APOLD1: variants seen among roughly 807,000 people sequenced by gnomAD.
APOLD1 encodes the protein apolipoprotein L domain containing 1.
A neutral mutation model predicts 15.3 loss-of-function variants in APOLD1; 22 were observed. That is an observed-to-expected ratio of 1.44 (90% CI 1.03 to 2.05). The LOEUF is 2.05. Ranked by LOEUF, APOLD1 falls within the 30% of genes most tolerant of loss-of-function variation. APOLD1 has a pLI of 0.00. For missense variants in APOLD1, 394 were observed against 353.5 expected, an observed-to-expected ratio of 1.11 and a Z score of -0.92; for synonymous variants, 190 against 167.4, an observed-to-expected ratio of 1.13 and a Z score of -1.04.
At chr12:12,776,342 T>C (rs2136395182) in intron 1 of APOLD1, among the ~76,000 whole-genome samples, 2 of 152,346 alleles carry the variant, frequency 1.3e-5, no homozygotes, top group Non-Finnish European at 2.9e-5. Flanking sequence ...CTGTTGTAGA[T>C]GTCTGAGAAC....
At chr12:12,786,370 C>G (rs1947124460) in intron 1 of APOLD1, among the ~76,000 whole-genome samples, 2 of 152,076 alleles carry the variant, frequency 1.3e-5, no homozygotes, top group South Asian at 4.1e-4. Flanking sequence ...AAGCATCTAA[C>G]TTAGATGTTT....
rs58877184 is a variant in APOLD1 at position 12,728,665 on chromosome 12, C to CAA, written c.96+2594_96+2595dup. On this transcript the variant is annotated intron_variant, in intron 1 of 1. Transcript: ENST00000326765. The stretch of plus-strand genomic sequence containing the variant: ...CCTGGGCAACAGTGAGACCCTGTCT[C>CAA]AAAAAAAAAAAAAAAAAAAAAAAAA... Among the ~76,000 whole-genome samples, 613 of 62,698 alleles carry CAA rather than the reference C, an allele frequency of 9.8e-3. 94 individuals are homozygous for CAA. Among genetic ancestry groups the CAA allele is most frequent in the African/African-American group, 0.047 (526 of 11,264 alleles). 41.1% of individuals were successfully genotyped at this position (62,698 alleles called of 152,430 possible).
intron 1 of APOLD1, among the ~76,000 whole-genome samples, chr12:12,732,729 C>CAA (rs34221371): frequency 2.5e-4 from 22 of 87,660 alleles, no homozygotes; most frequent in East Asian, 4.6e-4. Flanking sequence ...GACTCTGTCT[C>CAA]AAAAAAAAAA....
chr12:12,772,788 C>T (rs779058622), intron 1 of APOLD1, among the ~76,000 whole-genome samples: 2 of 152,192 alleles, frequency 1.3e-5, no homozygotes, highest in Non-Finnish European at 2.9e-5. Flanking sequence ...GTAATGTCTA[C>T]TCTCAGACCA....
intron 1 of APOLD1, among the ~76,000 whole-genome samples, chr12:12,771,972 A>C (rs1946991281): frequency 1.3e-5 from 2 of 152,200 alleles, no homozygotes; most frequent in African/African-American, 4.8e-5. Context: ...GGTTAGAAAA[A>C]AAAGAAGCAT....
At chr12:12,729,182 A>G (rs1468310289) in intron 1 of APOLD1, among the ~76,000 whole-genome samples, 4 of 151,496 alleles carry the variant, frequency 2.6e-5, no homozygotes, top group Non-Finnish European at 5.9e-5. Context: ...CATTTTCCCC[A>G]TGTGGATTTA....
chr12:12,736,871 A>G (rs113518343), intron 1 of APOLD1, among the ~76,000 whole-genome samples: 28 of 152,324 alleles, frequency 1.8e-4, no homozygotes, highest in African/African-American at 6.7e-4. Flanking sequence ...GGTGTCAGCT[A>G]CTGAACCAGA....
chr12:12,783,454 G>T (rs1398506269), upstream of APOLD1, among the ~76,000 whole-genome samples: 1 of 151,606 alleles, frequency 6.6e-6, no homozygotes, highest in Non-Finnish European at 1.5e-5. Flanking sequence ...GGGACTACAG[G>T]AGCACGCCAC....
At chr12:12,772,314 T>C (rs529260616) in intron 1 of APOLD1, among the ~76,000 whole-genome samples, 1 of 152,082 alleles carries the variant, frequency 6.6e-6, no homozygotes, top group African/African-American at 2.4e-5. Context: ...ACAACACTAA[T>C]CAAAAGAAAG....
chr12:12,732,905 C>G (rs920226012), intron 1 of APOLD1, among the ~76,000 whole-genome samples: 5 of 151,092 alleles, frequency 3.3e-5, no homozygotes, highest in East Asian at 3.9e-4. Context: ...AAATAAAAAC[C>G]CTTTAGATGT....
At chr12:12,726,131 C>A in intron 1 of APOLD1, 1 of 1,024,600 alleles carries the variant, frequency 9.8e-7, no homozygotes, top group Non-Finnish European at 1.3e-6. Flanking sequence ...TGGAGGTGGC[C>A]CGGAAAAGAA....
intron 1 of APOLD1, among the ~76,000 whole-genome samples, chr12:12,759,001 G>A (rs1202469368): frequency 6.6e-6 from 1 of 152,110 alleles, no homozygotes; most frequent in East Asian, 1.9e-4. Context: ...TGATAACCAA[G>A]AAGGTTACTA....
chr12:12,758,134 C>A (rs2136384267), intron 1 of APOLD1, among the ~76,000 whole-genome samples: 1 of 147,248 alleles, frequency 6.8e-6, no homozygotes, highest in South Asian at 2.2e-4. Context: ...GACGGGGTTT[C>A]ACTGTGTTAG....
Position 12,733,634 on chromosome 12 carries a change from G to A in APOLD1, c.96+7538G>A, listed in dbSNP as rs144748593. ...TTCTTTTTTTTTGAGACAGAGTTTCGCTCTGTTGCCGAGGCTAGAGTGCAG... is the reference window on the plus strand; with the variant it reads ...TTCTTTTTTTTTGAGACAGAGTTTCACTCTGTTGCCGAGGCTAGAGTGCAG... On this transcript the variant is annotated intron_variant, in intron 1 of 1. Coordinates refer to the APOLD1 transcript ENST00000326765. Among the ~76,000 whole-genome samples the A allele has an allele frequency of 4.0e-3, 615 of 152,068 alleles. 4 individuals carry two copies. The highest frequency in any genetic ancestry group is 0.022 in the South Asian group (108 of 4,810).
chr12:12,737,448 C>T (rs1185498938), intron 1 of APOLD1, among the ~76,000 whole-genome samples: 1 of 152,170 alleles, frequency 6.6e-6, no homozygotes, highest in African/African-American at 2.4e-5. Context: ...CCAGTCCAAT[C>T]ACCACTGTTT....
At chr12:12,731,503 C>T (rs1459549712) in intron 1 of APOLD1, among the ~76,000 whole-genome samples, 1 of 152,116 alleles carries the variant, frequency 6.6e-6, no homozygotes, top group Non-Finnish European at 1.5e-5. Context: ...TATGCAATGA[C>T]AAATTGGGAA....
intron 1 of APOLD1, among the ~76,000 whole-genome samples, chr12:12,775,770 C>T (rs984912150): frequency 2.0e-5 from 3 of 151,946 alleles, no homozygotes; most frequent in South Asian, 4.1e-4. Context: ...GAGACCAAGG[C>T]GAGAGGATTG....
intron 1 of APOLD1, among the ~76,000 whole-genome samples, chr12:12,731,183 G>T (rs1459356977): frequency 6.6e-6 from 1 of 151,958 alleles, no homozygotes; most frequent in African/African-American, 2.4e-5. Flanking sequence ...AAATTAATGG[G>T]GATATCCAGT....
intron 1 of APOLD1, 101 bp from the exon 2 acceptor site, chr12:12,786,808 C>A: frequency 7.6e-7 from 1 of 1,314,932 alleles, no homozygotes; most frequent in Non-Finnish European, 9.6e-7. Flanking sequence ...GTGGCTGCTC[C>A]GCTGAACTCG....
Sources: allele counts gnomAD v4.1 joint callset (sites outside exome capture counted in the v4.1 genomes callset), GRCh38; gene constraint gnomAD v4.1.1; transcripts MANE v1.5; gene names NCBI Gene and HGNC (gene_info 2026-07-23, HGNC 2026-07-21).